The following SREBF2 variants were observed in gnomAD, a reference collection of about 807,000 sequenced individuals.
SREBF2 encodes the protein sterol regulatory element-binding protein 2.
Under a neutral mutation model 113.1 loss-of-function variants are expected in SREBF2, and 55 were observed. The ratio of observed to expected loss-of-function variants is 0.49; its 90% CI spans 0.39 to 0.61. The LOEUF (loss-of-function observed/expected upper bound fraction) is 0.61, where lower values mean the gene tolerates loss of function less well. SREBF2 is among the 20% of genes least tolerant of loss of function. SREBF2 has a pLI of 0.00. For missense variants in SREBF2, 1,349 were observed against 1,487.4 expected, an observed-to-expected ratio of 0.91 and a Z score of 1.53; for synonymous variants, 593 against 605.7, an observed-to-expected ratio of 0.98 and a Z score of 0.31.
At chr22:41,901,084 G>A in intron 16 of SREBF2, 1 of 432,654 alleles carries the variant, frequency 2.3e-6, no homozygotes, top group East Asian at 6.9e-5. Flanking sequence ...TCCTGATAGA[G>A]GGCACTGCTG....
intron 11 of SREBF2, among the ~76,000 whole-genome samples, chr22:41,892,146 C>T (rs913113284): frequency 1.3e-5 from 2 of 152,156 alleles, no homozygotes; most frequent in African/African-American, 2.4e-5. Context: ...TGGGGGGAGT[C>T]TCTCAACCAC....
chr22:41,905,821 T>A lies in SREBF2; in HGVS notation c.*161T>A. 1 of 830,044 alleles carries A rather than the reference T, an allele frequency of 1.2e-6. No homozygotes were observed. Among genetic ancestry groups the A allele is most frequent in the Non-Finnish European group, 2.0e-6 (1 of 494,836 alleles). 51.4% of individuals were successfully genotyped at this position (830,044 alleles called of 1,614,324 possible). A position where few individuals can be genotyped will look rare whatever the true frequency, so the allele number is the denominator to read the frequency against. On this transcript the variant is annotated 3_prime_UTR_variant, in exon 19 of 19. Transcript: ENST00000361204. Reference sequence around the variant, plus strand: ...CAGTGCACCCCTGGGCAGAGCCCCTTAAAGCTGCTGTCACTAGATGCCCAT... The same window carrying A: ...CAGTGCACCCCTGGGCAGAGCCCCTAAAAGCTGCTGTCACTAGATGCCCAT...
chr22:41,901,926 G>A (rs2077468596), intron 16 of SREBF2, among the ~76,000 whole-genome samples: 1 of 152,270 alleles, frequency 6.6e-6, no homozygotes, highest in Admixed American at 6.5e-5. Context: ...TCGGAGGGCA[G>A]AATCCAGACA....
At chr22:41,854,771 A>T (rs1457487289) in intron 1 of SREBF2, among the ~76,000 whole-genome samples, 5 of 151,928 alleles carry the variant, frequency 3.3e-5, no homozygotes. Flanking sequence ...CAGGAGCCTG[A>T]GGCTTGAGAA....
In SREBF2 at chr22:41,833,128, A is replaced by G; in HGVS notation, c.-143A>G. 1 of 566,082 alleles carries G rather than the reference A, an allele frequency of 1.8e-6. No individual in the cohort carries two copies. 35.1% of individuals were successfully genotyped at this position (566,082 alleles called of 1,614,324 possible). The stretch of plus-strand genomic sequence containing the variant: ...CCCTTTCTGTGCGGCGCCCGGGCGC[A>G]ACGCAAACATGGCGGCGGGTGGCAC... On this transcript the variant is annotated 5_prime_UTR_variant, in exon 1 of 19. Coordinates refer to ENST00000361204, the MANE Select transcript of SREBF2 (RefSeq NM_004599.4). This position sits in a 1 kb window ranked among gnomAD's most constrained non-coding sequence, Gnocchi z 4.1.
intron 17 of SREBF2, chr22:41,904,504 C>G: frequency 2.0e-6 from 1 of 506,166 alleles, no homozygotes; most frequent in South Asian, 1.6e-5. Flanking sequence ...CCCTCTGTCC[C>G]TGTCACACCT....
chr22:41,856,692 A>T (rs576411144), intron 1 of SREBF2, among the ~76,000 whole-genome samples: 20 of 152,288 alleles, frequency 1.3e-4, no homozygotes, highest in African/African-American at 4.8e-4. Flanking sequence ...TCCAGGGTGG[A>T]TGATGAACTA....
chr22:41,857,066 CAAAA>C (rs533566059), intron 1 of SREBF2, among the ~76,000 whole-genome samples: 2 of 106,734 alleles, frequency 1.9e-5, no homozygotes, highest in Non-Finnish European at 2.0e-5. Context: ...GACTCTGTCT[CAAAA>C]AAAAAAAAAA....
chr22:41,864,360 G>T, intron 1 of SREBF2, among the ~76,000 whole-genome samples: 2 of 121,336 alleles, frequency 1.6e-5, no homozygotes, highest in African/African-American at 3.2e-5. Flanking sequence ...TCGCTCTGTT[G>T]CCCAGGCTGG....
chr22:41,906,008 G>A lies in SREBF2; in HGVS notation c.*348G>A, dbSNP rs888511992. 5 of 513,194 alleles carry A rather than the reference G, an allele frequency of 9.7e-6. 1 individual carries two copies. The highest frequency in any genetic ancestry group is 2.9e-4 in the Middle Eastern group (1 of 3,438). The allele number at this position is 513,194 out of a possible 1,614,324, so 31.8% of individuals were successfully genotyped here. A position where few individuals can be genotyped will look rare whatever the true frequency, so the allele number is the denominator to read the frequency against. Reference sequence around the variant, plus strand: ...CTACTCTCTCCTTTTTGCTTCCTCAGTTTTTATCAGGCTTTCTCTGGGGGA... The same window carrying A: ...CTACTCTCTCCTTTTTGCTTCCTCAATTTTTATCAGGCTTTCTCTGGGGGA... On this transcript the variant is annotated 3_prime_UTR_variant, in exon 19 of 19. Coordinates refer to ENST00000361204, the MANE Select transcript of SREBF2 (RefSeq NM_004599.4).
chr22:41,873,859 A>G lies in SREBF2; in HGVS notation c.929A>G (p.Lys310Arg). ...TTMPVMMGQE[K>R]VPIKQVPGGV... ...ATGCCTGTAATGATGGGGCAAGAGA[A>G]AGTGCCCATTAAGCAGGTACCTGGG... is the stretch of plus-strand genomic sequence containing the variant. Residue 310 changes from lysine to arginine, a missense_variant, in exon 5 of 19, where the codon AAA becomes AGA. This residue lies in a region of SREBF2 where 699 missense variants were observed against 843.3 expected (regional missense o/e 0.83). Transcript: ENST00000361204. The G allele has an allele frequency of 6.2e-7, 1 of 1,613,682 alleles. No individual in the cohort carries two copies. Among genetic ancestry groups the G allele is most frequent in the Middle Eastern group, 1.7e-4 (1 of 6,058 alleles).
chr22:41,903,739 A>T (rs2077483358), intron 17 of SREBF2, among the ~76,000 whole-genome samples: 1 of 152,154 alleles, frequency 6.6e-6, no homozygotes, highest in African/African-American at 2.4e-5. Flanking sequence ...TTTGAGTGAG[A>T]TGACTCAAGT....
intron 15 of SREBF2, chr22:41,899,202 C>A: frequency 9.0e-7 from 1 of 1,111,112 alleles, no homozygotes; most frequent in Non-Finnish European, 1.1e-6. Flanking sequence ...GCATCTTGCC[C>A]CTGTGTGCTA....
At chr22:41,903,291 T>C in intron 17 of SREBF2, 136 bp downstream of exon 17, 1 of 1,088,920 alleles carries the variant, frequency 9.2e-7, no homozygotes, top group Non-Finnish European at 1.3e-6. Context: ...GAGCACCTGC[T>C]TGGCTCGTGC....
At chr22:41,869,098 G>GT (rs1264797755) in intron 3 of SREBF2, among the ~76,000 whole-genome samples, 6 of 152,194 alleles carry the variant, frequency 3.9e-5, no homozygotes, top group African/African-American at 1.2e-4. Flanking sequence ...TTTGTGTTGT[G>GT]TTTTTTTGTT....
intron 3 of SREBF2, among the ~76,000 whole-genome samples, chr22:41,870,628 C>CA (rs133289): frequency 0.1 from 5,575 of 55,990 alleles, 497 homozygotes; most frequent in African/African-American, 0.21. Flanking sequence ...CCTGTCTCAG[C>CA]AAAAAAAAAA....
chr22:41,901,642 CAG>C (rs1326333641), intron 16 of SREBF2, among the ~76,000 whole-genome samples: 1 of 152,198 alleles, frequency 6.6e-6, no homozygotes, highest in African/African-American at 2.4e-5. Flanking sequence ...GCCTGGGCAA[CAG>C]AGCGAGACTC....
chr22:41,885,690 T>G (rs1188042652), intron 11 of SREBF2: 1 of 158,876 alleles, frequency 6.3e-6, no homozygotes, highest in African/African-American at 2.4e-5. Flanking sequence ...GGCTTTCTCT[T>G]ACTCTAGCAG....
intron 10 of SREBF2, among the ~76,000 whole-genome samples, chr22:41,884,494 T>C (rs2148401102): frequency 6.6e-6 from 1 of 152,326 alleles, no homozygotes; most frequent in Admixed American, 6.5e-5. Context: ...TAAAAAAAAT[T>C]TCATTACCTC....
Sources: allele counts gnomAD v4.1 joint callset (sites outside exome capture counted in the v4.1 genomes callset), GRCh38; gene constraint gnomAD v4.1.1; regional missense constraint gnomAD v4.1.1; non-coding constraint Gnocchi (gnomAD v3.1); transcripts MANE v1.5; gene names NCBI Gene and HGNC (gene_info 2026-07-23, HGNC 2026-07-21).